DYNC1LI1: variants seen among roughly 807,000 people sequenced by gnomAD.
DYNC1LI1 encodes the protein cytoplasmic dynein 1 light intermediate chain 1.
A neutral mutation model predicts 63.8 loss-of-function variants in DYNC1LI1; 19 were observed. The ratio of observed to expected loss-of-function variants is 0.30; its 90% CI spans 0.21 to 0.44. The LOEUF is 0.44. Ranked by LOEUF, DYNC1LI1 falls within the 20% of genes least tolerant of loss-of-function variation. The pLI is 1.00. For missense variants in DYNC1LI1, 565 were observed against 630.2 expected, an observed-to-expected ratio of 0.90 and a Z score of 1.11; for synonymous variants, 225 against 232.3, an observed-to-expected ratio of 0.97 and a Z score of 0.28.
intron 5 of DYNC1LI1, among the ~76,000 whole-genome samples, chr3:32,538,046 T>A (rs1375094398): frequency 0.032 from 165 of 5,196 alleles, 25 homozygotes; most frequent in African/African-American, 0.087. Flanking sequence ...TATATATATA[T>A]AATTATATAT....
chr3:32,570,523 G>C, intron 1 of DYNC1LI1, 102 bp downstream of exon 1: 1 of 1,483,778 alleles, frequency 6.7e-7, no homozygotes, highest in Non-Finnish European at 9.0e-7. Context: ...CGGGAACGCA[G>C]TGGCCGGGCC....
chr3:32,538,617 C>T (rs549790703), intron 5 of DYNC1LI1, among the ~76,000 whole-genome samples: 26 of 151,994 alleles, frequency 1.7e-4, no homozygotes, highest in Admixed American at 1.5e-3. Context: ...AGGAGAATGG[C>T]GTGCACCTAG....
At chr3:32,569,998 C>T in intron 2 of DYNC1LI1, 2 of 406,042 alleles carry the variant, frequency 4.9e-6, no homozygotes, top group South Asian at 2.3e-5. Context: ...CTCCTGCTAC[C>T]AATTTTTGTG....
intron 8 of DYNC1LI1, chr3:32,531,426 TC>T (rs1333527191): frequency 6.6e-6 from 1 of 151,846 alleles, no homozygotes; most frequent in Non-Finnish European, 1.5e-5. Flanking sequence ...CACAGCCCAG[TC>T]CCCTTGCTCA....
chr3:32,547,784 T>C (rs530734741), intron 2 of DYNC1LI1, among the ~76,000 whole-genome samples: 1 of 152,264 alleles, frequency 6.6e-6, no homozygotes, highest in South Asian at 2.1e-4. Context: ...AGTAAATACG[T>C]TAAAGAGATA....
intron 8 of DYNC1LI1, chr3:32,532,080 T>C (rs570530169): frequency 1.3e-5 from 2 of 152,304 alleles, no homozygotes; most frequent in East Asian, 3.9e-4. Flanking sequence ...AACATCTCTA[T>C]CTATAGAACA....
chr3:32,558,559 CA>C (rs143889756), intron 2 of DYNC1LI1, among the ~76,000 whole-genome samples: 3,487 of 151,982 alleles, frequency 0.023, 71 homozygotes, highest in Middle Eastern at 0.061. Context: ...TAACAATTAA[CA>C]GGGGGCCGGG....
Position 32,534,570 on chromosome 3 carries a change from T to C in DYNC1LI1, c.909A>G (p.Lys303=). ...IDLVYKYIVQ[K]LYGFPYKIPA... is the part of the protein sequence containing the mutation. ...GAATCTTATAGGGAAATCCATATAG[T>C]TTCTGAACGATGTATTTATATACTA... The change falls in exon 7 of 13, where the codon AAA becomes AAG. Residue 303 remains lysine (K), a synonymous_variant. Transcript: ENST00000273130. 7 of 1,598,578 alleles carry C rather than the reference T, an allele frequency of 4.4e-6. No homozygotes were observed. Among genetic ancestry groups the C allele is most frequent in the Non-Finnish European group, 6.0e-6 (7 of 1,168,046 alleles).
chr3:32,544,508 G>A (rs1289281157), intron 4 of DYNC1LI1, among the ~76,000 whole-genome samples: 2 of 152,136 alleles, frequency 1.3e-5, no homozygotes, highest in African/African-American at 2.4e-5. Context: ...GGTGGCTCAC[G>A]CCTGTAATCC....
chr3:32,539,282 T>C (rs1697844755), intron 5 of DYNC1LI1, among the ~76,000 whole-genome samples: 1 of 152,146 alleles, frequency 6.6e-6, no homozygotes, highest in African/African-American at 2.4e-5. Flanking sequence ...CTCCATTCCT[T>C]TGTTATGGAT....
At chr3:32,566,564 A>C in intron 2 of DYNC1LI1, 1 of 262,092 alleles carries the variant, frequency 3.8e-6, no homozygotes, top group Middle Eastern at 1.6e-3. Flanking sequence ...AACATGGAGA[A>C]ACTGTCTCTA....
At chr3:32,558,320 G>A (rs1698142750) in intron 2 of DYNC1LI1, among the ~76,000 whole-genome samples, 1 of 144,472 alleles carries the variant, frequency 6.9e-6, no homozygotes, top group African/African-American at 2.6e-5. Context: ...TAAAGGACTA[G>A]ACAGCAAATA....
chr3:32,553,439 C>T (rs1698070745), intron 2 of DYNC1LI1, among the ~76,000 whole-genome samples: 1 of 152,186 alleles, frequency 6.6e-6, no homozygotes, highest in Non-Finnish European at 1.5e-5. Context: ...ATGCAGGATA[C>T]AAATTTCGTC....
intron 7 of DYNC1LI1, among the ~76,000 whole-genome samples, chr3:32,533,880 T>TC (rs909722541): frequency 6.0e-5 from 9 of 148,846 alleles, no homozygotes; most frequent in South Asian, 2.1e-4. Context: ...TAACTTTCTT[T>TC]TTTTTTTTTT....
intron 4 of DYNC1LI1, among the ~76,000 whole-genome samples, chr3:32,544,370 T>C (rs1197847386): frequency 1.3e-5 from 2 of 152,190 alleles, no homozygotes; most frequent in Non-Finnish European, 2.9e-5. Context: ...CACAGCTTTT[T>C]GGCAAGGAGA....
intron 2 of DYNC1LI1, among the ~76,000 whole-genome samples, chr3:32,555,089 C>T (rs1269714204): frequency 2.0e-5 from 3 of 152,000 alleles, no homozygotes; most frequent in Non-Finnish European, 4.4e-5. Context: ...AGGCTAGTCT[C>T]GAACTCCTGG....
chr3:32,560,221 G>A (rs1017870891), intron 2 of DYNC1LI1, among the ~76,000 whole-genome samples: 1 of 152,030 alleles, frequency 6.6e-6, no homozygotes, highest in Non-Finnish European at 1.5e-5. Context: ...GATCAACTGA[G>A]GTCAGGAGTT....
At chr3:32,560,183 C>CACCGGAT (rs1305232795) in intron 2 of DYNC1LI1, among the ~76,000 whole-genome samples, 1 of 152,148 alleles carries the variant, frequency 6.6e-6, no homozygotes, top group Non-Finnish European at 1.5e-5. Flanking sequence ...AGCTGTAATC[C>CACCGGAT]CAAAACTTAT....
In DYNC1LI1 at chr3:32,569,685, C is replaced by T. The variant is rs181780620; in HGVS notation, c.220+661G>A. On this transcript the variant is annotated intron_variant, in intron 2 of 12. Transcript: ENST00000273130. ...CCAGAGTCACTAAAGAAACAGAATA[C>T]ACAACTTCCAGAGAGCCGAGGAGAT... 2.1e-3 allele frequency among the ~76,000 whole-genome samples: 326 copies of T among 152,248 alleles called. 2 individuals carry two copies. The highest frequency in any genetic ancestry group is 7.5e-3 in the African/African-American group (313 of 41,552).
Sources: gnomAD v4.1 joint callset for allele counts (sites outside exome capture counted in the v4.1 genomes callset) on GRCh38, gnomAD v4.1.1 for gene constraint, MANE v1.5 for transcripts, NCBI Gene and HGNC (gene_info 2026-07-23, HGNC 2026-07-21) for gene names.